Variants in SYF2 observed in about 807,000 individuals in gnomAD.
SYF2 encodes SYF2 pre-mRNA splicing factor, also known as pre-mRNA-splicing factor SYF2.
Under a neutral mutation model 32.7 loss-of-function variants are expected in SYF2, and 21 were observed. The observed-to-expected ratio is 0.64, with a 90% confidence interval of 0.45 to 0.92. The LOEUF (loss-of-function observed/expected upper bound fraction) is 0.92. SYF2 is among the 40% of genes least tolerant of loss of function. The probability of loss-of-function intolerance (pLI) is 0.00; values close to 1 mark genes in which losing one functional copy is unlikely to be tolerated. For missense variants in SYF2, 278 were observed against 296.5 expected, an observed-to-expected ratio of 0.94 and a Z score of 0.46; for synonymous variants, 114 against 103.9, an observed-to-expected ratio of 1.10 and a Z score of -0.59.
intron 2 of SYF2, among the ~76,000 whole-genome samples, chr1:25,229,575 G>C (rs1018416212): frequency 6.6e-6 from 1 of 152,132 alleles, no homozygotes; most frequent in Non-Finnish European, 1.5e-5. Context: ...AGAAGTTCAA[G>C]ACCAGGCTGG....
At chr1:25,224,458 A>G (rs1254308460) in intron 6 of SYF2, among the ~76,000 whole-genome samples, 1 of 152,040 alleles carries the variant, frequency 6.6e-6, no homozygotes, top group Non-Finnish European at 1.5e-5. Context: ...GGGTTTTGCC[A>G]TGTTGCCCAG....
intron 6 of SYF2, among the ~76,000 whole-genome samples, chr1:25,224,067 G>A (rs758593724): frequency 5.3e-5 from 8 of 151,966 alleles, no homozygotes; most frequent in Admixed American, 6.6e-5. Flanking sequence ...GGTGGTACAC[G>A]CCTGTGGTCC....
At chr1:25,228,838 A>C (rs1638569238) in intron 3 of SYF2, among the ~76,000 whole-genome samples, 160 bp downstream of exon 3, 1 of 152,226 alleles carries the variant, frequency 6.6e-6, no homozygotes, top group South Asian at 2.1e-4. Flanking sequence ...GAGAAGTTAA[A>C]TAAACTCACC....
At chr1:25,225,527 CA>C (rs920883170) in intron 5 of SYF2, among the ~76,000 whole-genome samples, 39 of 145,672 alleles carry the variant, frequency 2.7e-4, no homozygotes, top group African/African-American at 6.1e-4. Flanking sequence ...GACTCCGTCT[CA>C]AAAAAAAAAA....
chr1:25,228,595 A>T (rs1422606180), intron 3 of SYF2, among the ~76,000 whole-genome samples: 1 of 152,074 alleles, frequency 6.6e-6, no homozygotes, highest in Non-Finnish European at 1.5e-5. Context: ...TCGGCCTCCC[A>T]AAAGTGCTGG....
intron 1 of SYF2, 28 bp from the exon 2 acceptor site, chr1:25,232,239 A>G (rs1421588142): frequency 1.2e-6 from 2 of 1,603,758 alleles, no homozygotes; most frequent in Non-Finnish European, 1.7e-6. Flanking sequence ...GGCTTCAGGC[A>G]GAGCCGGCTC....
Position 25,224,907 on chromosome 1 carries a change from G to A in SYF2, c.566+95C>T, listed in dbSNP as rs769182936. On this transcript the variant is annotated intron_variant, in intron 6 of 6. Transcript: ENST00000236273. Reference sequence around the variant, plus strand: ...TATAACTGTACAATTTCTATCTTTTGAATTCATTCTAAGCACGTCAGATAT... The same window carrying A: ...TATAACTGTACAATTTCTATCTTTTAAATTCATTCTAAGCACGTCAGATAT... The A allele has an allele frequency of 3.2e-6, 3 of 934,122 alleles. No homozygotes were observed. In the South Asian group the frequency reaches 4.2e-5, roughly 13 times the overall value. The allele number at this position is 934,122 out of a possible 1,614,324, so 57.9% of individuals were successfully genotyped here. A position where few individuals can be genotyped will look rare whatever the true frequency, so the allele number is the denominator to read the frequency against.
At chr1:25,229,197 G>T in intron 2 of SYF2, 74 bp from the exon 3 acceptor site, 1 of 1,548,252 alleles carries the variant, frequency 6.5e-7, no homozygotes, top group Non-Finnish European at 8.7e-7. Context: ...CTTCTTTGAG[G>T]AGGGTCAGGC....
At position 25,223,321 on chromosome 1, in the gene SYF2, T is replaced by A. The variant is rs1638445187; in HGVS notation, c.677A>T (p.Tyr226Phe). Residue 226 changes from tyrosine to phenylalanine, a missense_variant, in exon 7 of 7, where the codon TAT becomes TTT. By Grantham distance (22) the Tyr-to-Phe change is conservative (BLOSUM62 3). Transcript: ENST00000236273. ...AKFNKKAERF[Y>F]GKYTAEIKQN... ...TTTAATTTCAGCTGTGTATTTCCCA[T>A]AGAATCTTTCAGCTTTCTTGTTGAA... 2 of 1,614,002 alleles carry A rather than the reference T, an allele frequency of 1.2e-6. No homozygotes were observed. Among genetic ancestry groups the A allele is most frequent in the Non-Finnish European group, 1.7e-6 (2 of 1,179,994 alleles).
rs779457032 is a variant in SYF2, at chr1:25,225,012, G to A, written c.556C>T (p.Leu186=). The A allele has an allele frequency of 2.5e-6, 4 of 1,612,462 alleles. No homozygotes were observed. Among genetic ancestry groups the A allele is most frequent in the African/African-American group, 1.3e-5 (1 of 74,862 alleles). The change falls in exon 6 of 7, where the codon CTG becomes TTG. Residue 186 remains leucine, a synonymous_variant. Transcript: ENST00000236273. ...CTACTGAATACTTACTGTTTTTCCA[G>A]ATCTATGACCATCCTGTCAATTTCC... The part of the protein sequence containing the change: ...TEEIDRMVID[L]EKQIEKRDKY...
At position 25,225,037 on chromosome 1, in the gene SYF2, C is replaced by T. The variant is rs747107057; in HGVS notation, c.531G>A (p.Glu177=). The change falls in exon 6 of 7, where the codon GAG becomes GAA. Residue 177 remains glutamate, a synonymous_variant. Transcript: ENST00000236273. ...GATCTATGACCATCCTGTCAATTTC[C>T]TCTGTGGAAGGCACATGTGTTCCAT... ...LLHGTHVPST[E]EIDRMVIDLE... 4.3e-6 allele frequency: 7 copies of T among 1,613,946 alleles called. No individual in the cohort carries two copies. The highest frequency in any genetic ancestry group is 5.9e-6 in the Non-Finnish European group (7 of 1,179,980).
chr1:25,225,875 G>T (rs1638500023), intron 5 of SYF2, among the ~76,000 whole-genome samples: 1 of 149,988 alleles, frequency 6.7e-6, no homozygotes, highest in South Asian at 2.1e-4. Context: ...AAAAAATAGG[G>T]CCATGTGCAG....
chr1:25,227,497 A>G lies in SYF2; in HGVS notation c.412T>C (p.Leu138=). ...AAAQLRQYHR[L]TKQIKPDMET... ...ATGTCAGGTTTGATCTGCTTGGTCA[A>G]CCGATGATACTGGCGTAACTGGGCA... Residue 138 remains leucine (L), a synonymous_variant, in exon 5 of 7, where the codon TTG becomes CTG. Transcript: ENST00000236273. The G allele has an allele frequency of 3.1e-6, 5 of 1,613,860 alleles. No individual in the cohort carries two copies. Among genetic ancestry groups the G allele is most frequent in the Non-Finnish European group, 4.2e-6 (5 of 1,179,948 alleles).
chr1:25,230,614 G>T (rs1638607296), intron 2 of SYF2: 1 of 152,122 alleles, frequency 6.6e-6, no homozygotes, highest in African/African-American at 2.4e-5. Flanking sequence ...AATTAAAGAC[G>T]CCAAGAACAT....
At position 25,225,063 on chromosome 1, in the gene SYF2, G is replaced by A. The variant is rs749059576; in HGVS notation, c.505C>T (p.His169Tyr). 9 of 1,614,016 alleles carry A rather than the reference G, an allele frequency of 5.6e-6. No homozygotes were observed. Among genetic ancestry groups the A allele is most frequent in the Non-Finnish European group, 7.6e-6 (9 of 1,179,916 alleles). ...EFFPTSNSLL[H>Y]GTHVPSTEEI... The stretch of plus-strand genomic sequence containing the variant: ...TCTGTGGAAGGCACATGTGTTCCAT[G>A]AAGAAGACTATTGGATGTTGGGAAA... The change falls in exon 6 of 7, where the codon CAT becomes TAT. Residue 169 changes from histidine to tyrosine, a missense_variant. Coordinates refer to ENST00000236273, the MANE Select transcript of SYF2 (RefSeq NM_015484.5).
At chr1:25,229,159 C>T (rs1310476721) in intron 2 of SYF2, 36 bp from the exon 3 acceptor site, 5 of 1,601,976 alleles carry the variant, frequency 3.1e-6, no homozygotes, top group East Asian at 4.5e-5. Flanking sequence ...TCAGCTAAAA[C>T]ATGAAAATAA....
Position 25,229,090 on chromosome 1 carries a change from C to T in SYF2, c.166G>A (p.Val56Met). 1 of 1,613,850 alleles carries T rather than the reference C, an allele frequency of 6.2e-7. No individual in the cohort carries two copies. Among genetic ancestry groups the T allele is most frequent in the Non-Finnish European group, 8.5e-7 (1 of 1,179,948 alleles). ...EARKLNHQEV[V>M]EEDKRLKLPA... ...AATTTTAGTCTTTTATCTTCTTCCA[C>T]AACTTCCTGGTGATTTAATTTACGA... Residue 56 changes from valine to methionine, a missense_variant, in exon 3 of 7, where the codon GTG becomes ATG. By Grantham distance (21) the Val-to-Met change is conservative. Transcript: ENST00000236273.
Position 25,232,089 on chromosome 1 carries a change from T to TC in SYF2, c.132+14dup. The TC allele has an allele frequency of 6.2e-7, 1 of 1,612,090 alleles. No individual in the cohort carries two copies. The highest frequency in any genetic ancestry group is 8.5e-7 in the Non-Finnish European group (1 of 1,179,234). ...GCCAGATGACGGATCTAAGCCGGCC[T>TC]CCAAGACTACTCACCCGCATCAGGT... On this transcript the variant is annotated intron_variant, in intron 2 of 6. Coordinates refer to ENST00000236273, the MANE Select transcript of SYF2 (RefSeq NM_015484.5).
At chr1:25,228,488 C>G (rs12059016) in intron 3 of SYF2, among the ~76,000 whole-genome samples, 4,362 of 152,244 alleles carry the variant, frequency 0.029, 214 homozygotes, top group African/African-American at 0.099. Flanking sequence ...GCACATGCCA[C>G]CATGCCCGGC....
Sources: allele counts gnomAD v4.1 joint callset (sites outside exome capture counted in the v4.1 genomes callset), GRCh38; gene constraint gnomAD v4.1.1; transcripts MANE v1.5; gene names NCBI Gene and HGNC (gene_info 2026-07-23, HGNC 2026-07-21).